EXOSC3: variants seen among roughly 807,000 people sequenced by gnomAD.
EXOSC3 encodes the protein exosome component 3.
A neutral mutation model predicts 25.1 loss-of-function variants in EXOSC3; 18 were observed. The observed-to-expected ratio is 0.72, with a 90% CI of 0.50 to 1.06. The LOEUF (loss-of-function observed/expected upper bound fraction) is 1.06. EXOSC3 is among the 50% of genes least tolerant of loss of function. The pLI, the probability that EXOSC3 is intolerant of heterozygous loss-of-function variation, is 0.00. For synonymous variants in EXOSC3, 165 were observed against 132.2 expected, an observed-to-expected ratio of 1.25 and a Z score of -1.70; for missense variants, 382 against 350.9, an observed-to-expected ratio of 1.09 and a Z score of -0.71.
Position 37,781,894 on chromosome 9 carries a change from C to A in EXOSC3, c.626+92G>T, listed in dbSNP as rs2296551. ...TTCTAACTCTGAGGAGAAATTCAAA[C>A]GTTACAAAGAATCTGAATCCTGAAG... On this transcript the variant is annotated intron_variant, in intron 3 of 3. Coordinates refer to ENST00000327304, the MANE Select transcript of EXOSC3 (RefSeq NM_016042.4). 2.9e-6 allele frequency: 4 copies of A among 1,373,408 alleles called. No homozygotes were observed. In the South Asian group the frequency reaches 5.7e-5, roughly 20 times the overall value. The allele number at this position is 1,373,408 out of a possible 1,614,324, so 85.1% of individuals were successfully genotyped here.
rs1277840886 is a variant in EXOSC3 at position 37,779,730 on chromosome 9, AAT to A, written c.*947_*948del. 6.6e-6 allele frequency: 1 copy of A among 152,204 alleles called. No homozygotes were observed. The highest frequency in any genetic ancestry group is 1.5e-5 in the Non-Finnish European group (1 of 68,024). The allele number at this position is 152,204 out of a possible 1,614,324, so 9.4% of individuals were successfully genotyped here. ...CGAAGCTCCTTGGTCTTTATCAACAAATAGAGTTCTATAATCTCTTTGATCCA... is the reference window on the plus strand; with the variant it reads ...CGAAGCTCCTTGGTCTTTATCAACAAAGAGTTCTATAATCTCTTTGATCCA... On this transcript the variant is annotated 3_prime_UTR_variant, in exon 4 of 4. Transcript: ENST00000327304.
rs1436438347 is a variant in EXOSC3, at chr9:37,780,698, G to A, written c.809C>T (p.Ser270Phe). ...CCTATATCAACTTTCTGCCAATCTG[G>A]AGAAGATCTGTTTTCTTTGATCTGA... is the stretch of plus-strand genomic sequence containing the variant. ...MTSDQRKQIF[S>F]RLAES Residue 270 changes from serine (S) to phenylalanine (F), a missense_variant, in exon 4 of 4, where the codon TCC (serine) becomes TTC (phenylalanine). Ser to Phe is a radical substitution (Grantham distance 155). Transcript: ENST00000327304. The A allele has an allele frequency of 3.1e-6, 5 of 1,613,394 alleles. No individual in the cohort carries two copies. In the African/African-American group the frequency reaches 6.7e-5, roughly 22 times the overall value.
chr9:37,781,365 G>A lies in EXOSC3; in HGVS notation c.627-485C>T, dbSNP rs936056934. Reference sequence around the variant, plus strand: ...TCTGATGTCCAAACTTAATTCTCCAGATCTTTAGGATATGTAGTAAGGAGA... The same window carrying A: ...TCTGATGTCCAAACTTAATTCTCCAAATCTTTAGGATATGTAGTAAGGAGA... On this transcript the variant is annotated intron_variant, in intron 3 of 3. Transcript: ENST00000327304. Among the ~76,000 whole-genome samples the A allele has an allele frequency of 2.0e-5, 3 of 149,898 alleles. No homozygotes were observed. In the Admixed American group the frequency reaches 2.0e-4, roughly 10 times the overall value.
In EXOSC3 at chr9:37,779,976, CAT is replaced by C. The variant is rs1274440372; in HGVS notation, c.*701_*702del. On this transcript the variant is annotated 3_prime_UTR_variant, in exon 4 of 4. Coordinates refer to ENST00000327304, the MANE Select transcript of EXOSC3 (RefSeq NM_016042.4). ...GGCCAGATTTGGATTCAGAAATCCT[CAT>C]AGTGTTATTTATATAATGATAAAAC... 1.3e-5 allele frequency: 2 copies of C among 152,170 alleles called. No homozygotes were observed. Among genetic ancestry groups the C allele is most frequent in the Admixed American group, 6.5e-5 (1 of 15,280 alleles). The allele number at this position is 152,170 out of a possible 1,614,324, so 9.4% of individuals were successfully genotyped here.
intron 2 of EXOSC3, among the ~76,000 whole-genome samples, chr9:37,782,791 T>G (rs1207087885): frequency 1.3e-5 from 2 of 152,226 alleles, no homozygotes; most frequent in Admixed American, 1.3e-4. Context: ...TTGGTGACTA[T>G]GTAAACTAGA....
chr9:37,784,614 G>A, intron 1 of EXOSC3, 107 bp downstream of exon 1: 1 of 1,263,886 alleles, frequency 7.9e-7, no homozygotes, highest in Non-Finnish European at 1.1e-6. Context: ...CTCTAGGTTT[G>A]CCTGAACAAA....
In EXOSC3 at chr9:37,780,549, T is replaced by C; in HGVS notation, c.*130A>G. The C allele has an allele frequency of 4.1e-6, 3 of 726,014 alleles. 1 individual carries two copies. The highest frequency in any genetic ancestry group is 3.8e-5 in the South Asian group (2 of 52,772). 45.0% of individuals were successfully genotyped at this position (726,014 alleles called of 1,614,324 possible). ...AGCGTGGGTGAAAACCAGTAACTTA[T>C]AAAAATACTTTCGGACTCTAATAAT... On this transcript the variant is annotated 3_prime_UTR_variant, in exon 4 of 4. Transcript: ENST00000327304.
Position 37,780,640 on chromosome 9 carries a change from T to G in EXOSC3, c.*39A>C, listed in dbSNP as rs1170566949. 1 of 1,568,858 alleles carries G rather than the reference T, an allele frequency of 6.4e-7. No individual in the cohort carries two copies. Among genetic ancestry groups the G allele is most frequent in the Non-Finnish European group, 8.7e-7 (1 of 1,144,048 alleles). ...GAGGTTCACCTGAAAAAACCCATAG[T>G]TTTTTGCCTCAACTGACCTGTAAAA... On this transcript the variant is annotated 3_prime_UTR_variant, in exon 4 of 4. Coordinates refer to ENST00000327304, the MANE Select transcript of EXOSC3 (RefSeq NM_016042.4).
chr9:37,783,017 C>T (rs1589060355), intron 2 of EXOSC3, among the ~76,000 whole-genome samples: 1 of 152,108 alleles, frequency 6.6e-6, no homozygotes, highest in Non-Finnish European at 1.5e-5. Flanking sequence ...AGGGATAGTG[C>T]AATCAAGACA....
In EXOSC3 at chr9:37,785,005, C is replaced by T; in HGVS notation, c.40G>A (p.Gly14Ser). Residue 14 changes from glycine to serine, a missense_variant, in exon 1 of 4, where the codon GGC becomes AGC. Coordinates refer to ENST00000327304, the MANE Select transcript of EXOSC3 (RefSeq NM_016042.4). The part of the protein sequence containing the change: ...PASVAAESLA[G>S]SRARAARTVL... ...GTGCGTGCAGCGCGCGCCCTGCTGC[C>T]CGCGAGAGATTCAGCCGCGACAGAC... is the stretch of plus-strand genomic sequence containing the variant. 3.1e-6 allele frequency: 5 copies of T among 1,605,094 alleles called. No homozygotes were observed. Among genetic ancestry groups the T allele is most frequent in the Non-Finnish European group, 4.3e-6 (5 of 1,174,586 alleles).
rs1280388720 is a variant in EXOSC3 at position 37,780,632 on chromosome 9, A to G, written c.*47T>C. ...AAATGGGGGAGGTTCACCTGAAAAAACCCATAGTTTTTTGCCTCAACTGAC... is the reference window on the plus strand; with the variant it reads ...AAATGGGGGAGGTTCACCTGAAAAAGCCCATAGTTTTTTGCCTCAACTGAC... On this transcript the variant is annotated 3_prime_UTR_variant, in exon 4 of 4. Coordinates refer to ENST00000327304, the MANE Select transcript of EXOSC3 (RefSeq NM_016042.4). 5 of 1,512,668 alleles carry G rather than the reference A, an allele frequency of 3.3e-6. No homozygotes were observed. Among genetic ancestry groups the G allele is most frequent in the Non-Finnish European group, 4.6e-6 (5 of 1,093,884 alleles). The allele number at this position is 1,512,668 out of a possible 1,614,324, so 93.7% of individuals were successfully genotyped here.
At chr9:37,784,551 T>C in intron 1 of EXOSC3, 170 bp downstream of exon 1, 1 of 736,782 alleles carries the variant, frequency 1.4e-6, no homozygotes, top group Non-Finnish European at 2.2e-6. Context: ...TATGTTCCTA[T>C]TGTTCACGGT....
rs530037792 is a variant in EXOSC3 at position 37,780,325 on chromosome 9, G to C, written c.*354C>G. The C allele has an allele frequency of 1.0e-4, 24 of 240,606 alleles. No individual in the cohort carries two copies. The highest frequency in any genetic ancestry group is 1.8e-4 in the Non-Finnish European group (22 of 122,870). The allele number at this position is 240,606 out of a possible 1,614,324, so 14.9% of individuals were successfully genotyped here. A position where few individuals can be genotyped will look rare whatever the true frequency, so the allele number is the denominator to read the frequency against. ...ACATTTCTTTGCTGCTTTATACTTA[G>C]GTATTCCACATTTCCTCTGGTGAAC... is the stretch of plus-strand genomic sequence containing the variant. On this transcript the variant is annotated 3_prime_UTR_variant, in exon 4 of 4. Coordinates refer to ENST00000327304, the MANE Select transcript of EXOSC3 (RefSeq NM_016042.4).
At position 37,784,780 on chromosome 9, in the gene EXOSC3, T is replaced by G; in HGVS notation, c.265A>C (p.Lys89Gln). The change falls in exon 1 of 4, where the codon AAG becomes CAG. Residue 89 changes from lysine (K) to glutamine (Q), a missense_variant. Lys to Gln is a moderately conservative substitution (Grantham distance 53). Coordinates refer to ENST00000327304, the MANE Select transcript of EXOSC3 (RefSeq NM_016042.4). ...LVTKCGRLRH[K>Q]EPGSGSGGGV... ...CCGCCGCTGCCACTGCCGGGCTCCT[T>G]GTGACGGAGGCGGCCGCACTTGGTG... The G allele has an allele frequency of 6.2e-7, 1 of 1,607,586 alleles. No homozygotes were observed. The highest frequency in any genetic ancestry group is 8.5e-7 in the Non-Finnish European group (1 of 1,178,966).
chr9:37,784,410 T>C, intron 1 of EXOSC3: 1 of 496,294 alleles, frequency 2.0e-6, no homozygotes, highest in African/African-American at 1.9e-5. Context: ...TAACTCCCTA[T>C]GACATCCACT....
chr9:37,780,914 G>T, intron 3 of EXOSC3, 34 bp from the exon 4 acceptor site: 2 of 1,576,758 alleles, frequency 1.3e-6, no homozygotes, highest in Non-Finnish European at 1.7e-6. Context: ...GAAATTTAAT[G>T]AAGTGGCAAA....
intron 2 of EXOSC3, among the ~76,000 whole-genome samples, chr9:37,783,589 C>T (rs923592904): frequency 2.0e-5 from 3 of 152,132 alleles, no homozygotes; most frequent in Non-Finnish European, 2.9e-5. Flanking sequence ...CTCCTCTAAG[C>T]CTACAGCAGA....
Position 37,782,147 on chromosome 9 carries a change from T to A in EXOSC3, c.475-10A>T. 6.2e-7 allele frequency: 1 copy of A among 1,613,152 alleles called. No homozygotes were observed. The highest frequency in any genetic ancestry group is 8.5e-7 in the Non-Finnish European group (1 of 1,179,600). On this transcript the variant is annotated splice_polypyrimidine_tract_variant and intron_variant, in intron 2 of 3. Transcript: ENST00000327304. ...AGATGAGATCTCCAACCTACAATGATATTAAAAACCAGTTCATTTCCTCTC... is the reference window on the plus strand; with the variant it reads ...AGATGAGATCTCCAACCTACAATGAAATTAAAAACCAGTTCATTTCCTCTC...
At chr9:37,783,643 A>T (rs1828640886) in intron 2 of EXOSC3, among the ~76,000 whole-genome samples, 1 of 152,218 alleles carries the variant, frequency 6.6e-6, no homozygotes, top group South Asian at 2.1e-4. Flanking sequence ...AATGGCGATG[A>T]TAGATACAAC....
Sources: gnomAD v4.1 joint callset for allele counts (sites outside exome capture counted in the v4.1 genomes callset) on GRCh38, gnomAD v4.1.1 for gene constraint, MANE v1.5 for transcripts, NCBI Gene and HGNC (gene_info 2026-07-23, HGNC 2026-07-21) for gene names.